SPAG17: variants seen among roughly 807,000 people sequenced by gnomAD.
SPAG17 encodes sperm-associated antigen 17.
SPAG17 carries 169 observed loss-of-function variants against 273.6 expected under a neutral mutation model. The ratio of observed to expected loss-of-function variants is 0.62; its 90% CI spans 0.55 to 0.70. The LOEUF (loss-of-function observed/expected upper bound fraction) is 0.70. Among genes scored for constraint, SPAG17 ranks in the 30% least tolerant of loss-of-function variants. The pLI, the probability that SPAG17 is intolerant of heterozygous loss-of-function variation, is 0.00. For synonymous variants in SPAG17, 825 were observed against 873.2 expected (o/e 0.94, Z 0.97); for missense variants, 2,557 against 2,627.8 (o/e 0.97, Z 0.59).
chr1:117,977,172 T>A (rs1332474088), intron 43 of SPAG17, among the ~76,000 whole-genome samples: 2 of 149,182 alleles, frequency 1.3e-5, no homozygotes, highest in African/African-American at 2.5e-5. Context: ...AAAAAAAAAA[T>A]TAGCTGGGTG....
chr1:117,957,052 AT>A (rs752771059), intron 48 of SPAG17: 27 of 1,546,700 alleles, frequency 1.7e-5, no homozygotes, highest in Non-Finnish European at 2.3e-5. Flanking sequence ...TTTTATATTT[AT>A]TTTTTCTTTT....
chr1:117,997,566 TAAAAA>T (rs11428560), intron 32 of SPAG17, among the ~76,000 whole-genome samples: 4 of 123,402 alleles, frequency 3.2e-5, no homozygotes, highest in African/African-American at 1.2e-4. Flanking sequence ...GAATGAGAAG[TAAAAA>T]AAAAAAAAAA....
At chr1:117,996,892 G>A in intron 32 of SPAG17, 149 bp from the exon 33 acceptor site, 2 of 759,668 alleles carry the variant, frequency 2.6e-6, no homozygotes, top group South Asian at 2.0e-5. Context: ...ACTAAGTAGA[G>A]ACTGCATTAA....
intron 3 of SPAG17, among the ~76,000 whole-genome samples, chr1:118,127,069 C>T (rs1353453894): frequency 6.6e-6 from 1 of 152,302 alleles, no homozygotes; most frequent in African/African-American, 2.4e-5. Flanking sequence ...CAGTACCATG[C>T]TATTTTGGTG....
chr1:117,983,290 C>T (rs1656039263), intron 42 of SPAG17, among the ~76,000 whole-genome samples: 1 of 152,154 alleles, frequency 6.6e-6, no homozygotes, highest in African/African-American at 2.4e-5. Context: ...TACCTCCCAC[C>T]AGGTACCTCC....
chr1:118,087,941 CA>C (rs1255330296), intron 10 of SPAG17, among the ~76,000 whole-genome samples: 2 of 152,118 alleles, frequency 1.3e-5, no homozygotes, highest in African/African-American at 4.8e-5. Context: ...TTGTGACAAC[CA>C]AAAATATCTC....
At chr1:117,959,881 G>C (rs972444607) in intron 48 of SPAG17, 1 of 153,034 alleles carries the variant, frequency 6.5e-6, no homozygotes, top group Non-Finnish European at 1.5e-5. Context: ...GTGCATAATT[G>C]ATTGCCCTTT....
chr1:118,074,469 T>G, intron 16 of SPAG17, 70 bp downstream of exon 16: 2 of 1,308,030 alleles, frequency 1.5e-6, no homozygotes, highest in Non-Finnish European at 2.2e-6. Context: ...TTTTCAGTGT[T>G]TCTTACTCCA....
Position 117,963,911 on chromosome 1 carries a change from T to C in SPAG17, c.6560A>G (p.Lys2187Arg), listed in dbSNP as rs1344267849. 6.2e-7 allele frequency: 1 copy of C among 1,613,992 alleles called. No individual in the cohort carries two copies. Among genetic ancestry groups the C allele is most frequent in the Admixed American group, 1.7e-5 (1 of 60,018 alleles). The change falls in exon 48 of 49, where the codon AAA (lysine) becomes AGA (arginine). Residue 2187 changes from lysine (K) to arginine (R), a missense_variant. Physicochemically the swap from Lys to Arg is conservative, Grantham distance 26. Transcript: ENST00000336338. ...ATVLTSSNYD[K>R]RPKDFPQGKE... ...TCCCTGGGGAAAGTCTTTTGGTCGT[T>C]TATCATAATTGCTGCTTGTTAAAAC...
chr1:118,175,320 G>A (rs1188870798), intron 1 of SPAG17, among the ~76,000 whole-genome samples: 1 of 152,090 alleles, frequency 6.6e-6, no homozygotes, highest in African/African-American at 2.4e-5. Context: ...GTGAGCCACT[G>A]CGCCCAGCTG....
Position 118,055,883 on chromosome 1 carries a change from G to C in SPAG17, c.2572C>G (p.Gln858Glu). ...NYLELVAKSI[Q>E]DWITKEEAIY... is the part of the protein sequence containing the mutation. Reference sequence around the variant, plus strand: ...GCTTCTTCTTTTGTAATCCAATCTTGAATAGATTTTGCAACAAGTTCCAAA... The same window carrying C: ...GCTTCTTCTTTTGTAATCCAATCTTCAATAGATTTTGCAACAAGTTCCAAA... Residue 858 changes from glutamine to glutamate, a missense_variant, in exon 19 of 49, where the codon CAA becomes GAA. By Grantham distance (29) the Gln-to-Glu change is conservative (BLOSUM62 2). Transcript: ENST00000336338. The C allele has an allele frequency of 6.2e-7, 1 of 1,606,604 alleles. No homozygotes were observed. Among genetic ancestry groups the C allele is most frequent in the Middle Eastern group, 1.7e-4 (1 of 6,010 alleles).
At chr1:117,992,367 T>C in intron 36 of SPAG17, 99 bp downstream of exon 36, 1 of 1,203,090 alleles carries the variant, frequency 8.3e-7, no homozygotes, top group Non-Finnish European at 1.2e-6. Context: ...ACTAGACAAA[T>C]ATTGGTAGAA....
At chr1:117,983,307 A>G (rs1656042176) in intron 42 of SPAG17, among the ~76,000 whole-genome samples, 1 of 152,216 alleles carries the variant, frequency 6.6e-6, no homozygotes, top group South Asian at 2.1e-4. Context: ...CTCCCACAAT[A>G]CATGGGAATT....
intron 1 of SPAG17, among the ~76,000 whole-genome samples, chr1:118,156,044 G>A (rs1158986047): frequency 6.6e-6 from 1 of 152,156 alleles, no homozygotes; most frequent in Non-Finnish European, 1.5e-5. Flanking sequence ...TACTATTAAC[G>A]ACCATGCTAT....
intron 1 of SPAG17, among the ~76,000 whole-genome samples, chr1:118,158,762 T>C (rs987134248): frequency 6.6e-6 from 1 of 152,206 alleles, no homozygotes; most frequent in African/African-American, 2.4e-5. Flanking sequence ...TATAGATATA[T>C]ATATACACAC....
At chr1:117,994,330 G>A (rs1657422838) in intron 35 of SPAG17, 76 bp downstream of exon 35, 1 of 1,424,754 alleles carries the variant, frequency 7.0e-7, no homozygotes, top group Non-Finnish European at 9.4e-7. Context: ...TATGGGAGAA[G>A]ACTTAAGACT....
intron 1 of SPAG17, among the ~76,000 whole-genome samples, chr1:118,177,579 G>A (rs1660752459): frequency 6.6e-6 from 1 of 151,994 alleles, no homozygotes; most frequent in Non-Finnish European, 1.5e-5. Context: ...ATAAAGATCA[G>A]AGAAGAAATA....
At chr1:118,102,035 T>G in intron 4 of SPAG17, 109 bp from the exon 5 acceptor site, 1 of 947,568 alleles carries the variant, frequency 1.1e-6, no homozygotes, top group Non-Finnish European at 1.6e-6. Flanking sequence ...TGTATACTCT[T>G]TATTTTTTAG....
Position 117,970,817 on chromosome 1 carries a change from T to G in SPAG17, c.6327-701A>C, listed in dbSNP as rs192937331. On this transcript the variant is annotated intron_variant, in intron 45 of 48. Transcript: ENST00000336338. ...GAGTGAAATCTCCAAAACTAAAATT[T>G]TATACTGGAGCGACAGGACCCGCAC... Among the ~76,000 whole-genome samples, 23 of 152,288 alleles carry G rather than the reference T, an allele frequency of 1.5e-4. No individual in the cohort carries two copies. In the East Asian group the frequency reaches 3.9e-3, roughly 26 times the overall value.
Sources: allele counts gnomAD v4.1 joint callset (sites outside exome capture counted in the v4.1 genomes callset), GRCh38; gene constraint gnomAD v4.1.1; transcripts MANE v1.5; gene names NCBI Gene and HGNC (gene_info 2026-07-23, HGNC 2026-07-21).